Variants in SEM1 observed in about 807,000 individuals in gnomAD.
The protein encoded by SEM1 is SEM1 26S proteasome subunit.
Under a neutral mutation model 12.7 loss-of-function variants are expected in SEM1, and 3 were observed. The observed-to-expected ratio is 0.24, with a 90% CI of 0.11 to 0.61. SEM1 has a LOEUF of 0.61. Among genes scored for constraint, SEM1 ranks in the 20% least tolerant of loss-of-function variants. SEM1 has a pLI of 0.88. For missense variants in SEM1, 59 were observed against 81.3 expected, an observed-to-expected ratio of 0.73 and a Z score of 1.06; for synonymous variants, 30 against 27.8, an observed-to-expected ratio of 1.08 and a Z score of -0.25.
At chr7:96,667,992 C>G (rs1006067555) in intron 2 of SEM1, among the ~76,000 whole-genome samples, 3 of 152,118 alleles carry the variant, frequency 2.0e-5, no homozygotes, top group Non-Finnish European at 4.4e-5. Flanking sequence ...TCTATTAGCT[C>G]CCTGTATACA....
At chr7:96,556,360 T>G (rs865874605) in intron 2 of SEM1, among the ~76,000 whole-genome samples, 12 of 152,150 alleles carry the variant, frequency 7.9e-5, no homozygotes, top group Admixed American at 1.3e-4. Flanking sequence ...AGCGCTTCCT[T>G]CAGGAGCTCT....
chr7:96,524,105 T>A (rs1430757132), intron 2 of SEM1, among the ~76,000 whole-genome samples: 2 of 152,128 alleles, frequency 1.3e-5, no homozygotes, highest in African/African-American at 2.4e-5. Flanking sequence ...CCATGCTCTG[T>A]CTCTGTCAAT....
At chr7:96,683,205 C>T (rs1789667642) in intron 2 of SEM1, among the ~76,000 whole-genome samples, 2 of 150,068 alleles carry the variant, frequency 1.3e-5, no homozygotes, top group South Asian at 2.1e-4. Context: ...ACTAGAAATA[C>T]TAGAAAAGTG....
rs546536278 is a variant in SEM1, at chr7:96,591,059, AT to A, written c.171-84362del. ...AAGTGATCAAGATTTTTAAAAATAGATGTAATATACTTGGCAATTTAATTGT... is the reference window on the plus strand; with the variant it reads ...AAGTGATCAAGATTTTTAAAAATAGAGTAATATACTTGGCAATTTAATTGT... On this transcript the variant is annotated intron_variant and NMD_transcript_variant, in intron 2 of 3. Transcript: ENST00000466986. Among the ~76,000 whole-genome samples the A allele has an allele frequency of 2.0e-5, 3 of 152,172 alleles. No individual in the cohort carries two copies. The South Asian group carries it at 6.2e-4, about 32-fold the overall frequency.
At chr7:96,633,925 A>G (rs2116352290) in intron 2 of SEM1, among the ~76,000 whole-genome samples, 1 of 152,294 alleles carries the variant, frequency 6.6e-6, no homozygotes, top group African/African-American at 2.4e-5. Flanking sequence ...CCAATGAAAA[A>G]GTCCACTGTG....
intron 1 of SEM1, among the ~76,000 whole-genome samples, chr7:96,705,359 CAA>C (rs34525327): frequency 0.19 from 26,892 of 142,184 alleles, 2,428 homozygotes; most frequent in South Asian, 0.22. Flanking sequence ...GCTTCTCTCT[CAA>C]AAAAAAAAAA....
intron 2 of SEM1, among the ~76,000 whole-genome samples, chr7:96,536,159 T>C (rs1036279919): frequency 6.6e-6 from 1 of 151,908 alleles, no homozygotes; most frequent in Non-Finnish European, 1.5e-5. Flanking sequence ...TGTTTTAAAA[T>C]TCCTCTTGAG....
chr7:96,483,780 A>G, exon 4 of SEM1: 2 of 1,514,168 alleles, frequency 1.3e-6, no homozygotes, highest in Non-Finnish European at 1.8e-6. Flanking sequence ...AGAGCCAGGG[A>G]TATCTGGTAT....
intron 2 of SEM1, among the ~76,000 whole-genome samples, chr7:96,557,157 T>G (rs1805537274): frequency 6.6e-6 from 1 of 151,074 alleles, no homozygotes; most frequent in Non-Finnish European, 1.5e-5. Context: ...TAGCTCAGAG[T>G]AATTTGATCG....
At chr7:96,588,356 AC>A (rs1198114747) in intron 2 of SEM1, among the ~76,000 whole-genome samples, 1 of 23,394 alleles carries the variant, frequency 4.3e-5, no homozygotes, top group African/African-American at 1.0e-4. Flanking sequence ...AAAAACAAAC[AC>A]ACACACACAC....
intron 2 of SEM1, among the ~76,000 whole-genome samples, chr7:96,544,838 C>A (rs866387907): frequency 1.3e-5 from 2 of 151,820 alleles, no homozygotes; most frequent in African/African-American, 2.4e-5. Context: ...GGGAGTGAAT[C>A]ATCACAGAGG....
intron 2 of SEM1, among the ~76,000 whole-genome samples, chr7:96,567,142 G>A (rs992764290): frequency 6.6e-6 from 1 of 151,534 alleles, no homozygotes; most frequent in Non-Finnish European, 1.5e-5. Flanking sequence ...TAAAATTAAT[G>A]TATAGGTAAA....
downstream of SEM1, among the ~76,000 whole-genome samples, chr7:96,671,785 CA>C (rs1468016873): frequency 6.6e-6 from 1 of 152,106 alleles, no homozygotes; most frequent in African/African-American, 2.4e-5. Flanking sequence ...CCTCAGAGAG[CA>C]GAATTACTCA....
intron 2 of SEM1, among the ~76,000 whole-genome samples, chr7:96,668,304 T>G (rs1006476162): frequency 6.6e-6 from 1 of 152,188 alleles, no homozygotes; most frequent in Non-Finnish European, 1.5e-5. Context: ...TTTAGTAAAA[T>G]ATTACTGTTG....
intron 2 of SEM1, among the ~76,000 whole-genome samples, chr7:96,626,601 A>G (rs1382422173): frequency 1.3e-5 from 2 of 152,112 alleles, no homozygotes; most frequent in Non-Finnish European, 2.9e-5. Context: ...TGGTTTGCAT[A>G]TGTTGAACCA....
chr7:96,613,225 A>G (rs1014479412), intron 2 of SEM1, among the ~76,000 whole-genome samples: 2 of 152,232 alleles, frequency 1.3e-5, no homozygotes, highest in Non-Finnish European at 2.9e-5. Context: ...GTCTATAGAC[A>G]TAAAAATTCT....
rs967789607 is a variant in SEM1, at chr7:96,486,406, A to G, written c.24T>C (p.Ile8=). Residue 8 remains isoleucine (I), a synonymous_variant, in exon 2 of 4, where the codon ATT becomes ATC. Transcript: ENST00000356686. ...CTCCTTGTACAGCAAACACAGCACA[A>G]ATGTTGGAGTCCTATAAGGGAAGTT... is the stretch of plus-strand genomic sequence containing the variant. 5.9e-6 allele frequency: 9 copies of G among 1,536,738 alleles called. No homozygotes were observed. The African/African-American group carries it at 1.1e-4, about 19-fold the overall frequency.
upstream of SEM1, among the ~76,000 whole-genome samples, chr7:96,500,661 T>G (rs1374169577): frequency 6.6e-6 from 1 of 152,176 alleles, no homozygotes; most frequent in Admixed American, 6.6e-5. Context: ...ATTTGAGGTC[T>G]TCACCACTGC....
chr7:96,565,767 G>A, intron 2 of SEM1, among the ~76,000 whole-genome samples: 1 of 151,774 alleles, frequency 6.6e-6, no homozygotes, highest in East Asian at 1.9e-4. Context: ...AAAAACAAAG[G>A]TGTCACAAGT....
Sources: allele counts gnomAD v4.1 joint callset (sites outside exome capture counted in the v4.1 genomes callset), GRCh38; gene constraint gnomAD v4.1.1; transcripts MANE v1.5; gene names NCBI Gene and HGNC (gene_info 2026-07-23, HGNC 2026-07-21).